Variants in BMPR1A observed in about 807,000 individuals in gnomAD.
The protein encoded by BMPR1A is bone morphogenetic protein receptor type-1A.
BMPR1A carries 7 observed loss-of-function variants against 66.0 expected under a neutral mutation model. The ratio of observed to expected loss-of-function variants is 0.11; its 90% CI spans 0.06 to 0.20. The LOEUF is 0.20. BMPR1A is among the 10% of genes least tolerant of loss of function. BMPR1A has a pLI of 1.00. For synonymous variants in BMPR1A, 200 were observed against 229.7 expected (o/e 0.87, Z 1.17); for missense variants, 408 against 669.1 (o/e 0.61, Z 4.31).
chr10:86,759,207 TG>T (rs1840985974), intron 1 of BMPR1A, among the ~76,000 whole-genome samples: 1 of 152,226 alleles, frequency 6.6e-6, no homozygotes, highest in Non-Finnish European at 1.5e-5. Flanking sequence ...AGGGGCCTTT[TG>T]TGACATTATA....
At chr10:86,914,154 A>G (rs1357757059) in intron 8 of BMPR1A, among the ~76,000 whole-genome samples, 2 of 152,130 alleles carry the variant, frequency 1.3e-5, no homozygotes, top group Non-Finnish European at 2.9e-5. Context: ...AAGTAATTCA[A>G]TTGGAAAAAG....
At chr10:86,901,740 A>G (rs1350662252) in intron 7 of BMPR1A, among the ~76,000 whole-genome samples, 1 of 152,182 alleles carries the variant, frequency 6.6e-6, no homozygotes. Context: ...AAATAACTGA[A>G]TCTTTGCCAG....
chr10:86,769,449 T>C (rs998885621), intron 1 of BMPR1A, among the ~76,000 whole-genome samples: 14 of 152,100 alleles, frequency 9.2e-5, no homozygotes, highest in African/African-American at 3.4e-4. Context: ...GTAAATAGAA[T>C]CAGACTTTTC....
intron 8 of BMPR1A, among the ~76,000 whole-genome samples, chr10:86,914,020 G>C (rs906302285): frequency 6.6e-6 from 1 of 151,938 alleles, no homozygotes; most frequent in Admixed American, 6.6e-5. Flanking sequence ...ACTCAATAAT[G>C]ATCTCAATTT....
At chr10:86,828,620 TG>T (rs1467740853) in intron 1 of BMPR1A, among the ~76,000 whole-genome samples, 1 of 152,208 alleles carries the variant, frequency 6.6e-6, no homozygotes, top group Admixed American at 6.5e-5. Context: ...GCAGATCTGG[TG>T]AACCCTTAGC....
intron 3 of BMPR1A, among the ~76,000 whole-genome samples, chr10:86,885,505 A>C (rs1021462815): frequency 6.6e-6 from 1 of 152,158 alleles, no homozygotes; most frequent in African/African-American, 2.4e-5. Flanking sequence ...TGGGTGAGAA[A>C]CTGATTTTTA....
chr10:86,874,632 C>G (rs1431512704), intron 2 of BMPR1A, among the ~76,000 whole-genome samples: 10 of 151,070 alleles, frequency 6.6e-5, no homozygotes, highest in African/African-American at 2.4e-4. Context: ...TGGTCTCGAT[C>G]TCCTGACCTC....
chr10:86,914,222 A>G (rs1224555146), intron 8 of BMPR1A, among the ~76,000 whole-genome samples: 1 of 152,194 alleles, frequency 6.6e-6, no homozygotes, highest in African/African-American at 2.4e-5. Context: ...CAAGAAGTTA[A>G]TCTCAGTCCT....
intron 1 of BMPR1A, among the ~76,000 whole-genome samples, chr10:86,779,525 T>C (rs1841403675): frequency 6.6e-6 from 1 of 152,230 alleles, no homozygotes; most frequent in Admixed American, 6.5e-5. Context: ...TTGGCCATTC[T>C]TTTTGATAAT....
In BMPR1A at chr10:86,919,309, T is replaced by C. The variant is rs876658840; in HGVS notation, c.1006T>C (p.Tyr336His). The C allele has an allele frequency of 6.2e-6, 10 of 1,613,906 alleles. No individual in the cohort carries two copies. The highest frequency in any genetic ancestry group is 8.5e-6 in the Non-Finnish European group (10 of 1,179,872). ...LDTRALLKLAYSAACGLCHLH... is the reference protein window; with the variant it reads ...LDTRALLKLAHSAACGLCHLH... ...CACCAGAGCCCTGCTTAAATTGGCT[T>C]ATTCAGCTGCCTGTGGTCTGTGCCA... The change falls in exon 10 of 13, where the codon TAT (tyrosine) becomes CAT (histidine). Residue 336 changes from tyrosine (Y) to histidine (H), a missense_variant. Tyr to His is a moderately conservative substitution (Grantham distance 83). Around this residue, in one of 5 missense-constraint regions of BMPR1A, gnomAD observed 130 missense variants for 257.3 expected, o/e 0.51. Transcript: ENST00000372037.
At chr10:86,886,506 CA>C (rs978846081) in intron 3 of BMPR1A, among the ~76,000 whole-genome samples, 17 of 152,026 alleles carry the variant, frequency 1.1e-4, no homozygotes, top group African/African-American at 3.6e-4. Flanking sequence ...GAGGTTGAGC[CA>C]AAAGACTTTG....
At position 86,865,213 on chromosome 10, in the gene BMPR1A, A is replaced by G. The variant is rs76313243; in HGVS notation, c.-152-10654A>G. Among the ~76,000 whole-genome samples, 6 of 142,198 alleles carry G rather than the reference A, an allele frequency of 4.2e-5. No individual in the cohort carries two copies. The East Asian group carries it at 7.7e-4, about 18-fold the overall frequency. The allele number at this position is 142,198 out of a possible 152,430, so 93.3% of individuals were successfully genotyped here. On this transcript the variant is annotated intron_variant, in intron 2 of 12. Coordinates refer to ENST00000372037, the MANE Select transcript of BMPR1A (RefSeq NM_004329.3). ...CAAAAGAAGTGTAAATGGCCGGTCCATGCCTTAACTGATGACATTCCACCA... is the reference window on the plus strand; with the variant it reads ...CAAAAGAAGTGTAAATGGCCGGTCCGTGCCTTAACTGATGACATTCCACCA...
chr10:86,919,880 T>C (rs543854280), intron 10 of BMPR1A, among the ~76,000 whole-genome samples: 37 of 152,128 alleles, frequency 2.4e-4, no homozygotes, highest in Non-Finnish European at 4.7e-4. Flanking sequence ...GCTAATGTTT[T>C]TATTTTTTGC....
At chr10:86,791,725 C>G (rs941797782) in intron 1 of BMPR1A, among the ~76,000 whole-genome samples, 1 of 107,150 alleles carries the variant, frequency 9.3e-6, no homozygotes, top group African/African-American at 3.6e-5. Context: ...TCCTTCCTTC[C>G]TTCCTTCCCT....
intron 1 of BMPR1A, among the ~76,000 whole-genome samples, chr10:86,771,538 A>G (rs1239386713): frequency 6.6e-6 from 1 of 152,218 alleles, no homozygotes; most frequent in Non-Finnish European, 1.5e-5. Flanking sequence ...AGGGTTGCAT[A>G]GTTCCTAAGT....
chr10:86,915,074 T>TC (rs2133562801), intron 8 of BMPR1A, among the ~76,000 whole-genome samples: 1 of 152,344 alleles, frequency 6.6e-6, no homozygotes, highest in African/African-American at 2.4e-5. Flanking sequence ...TGGGTGAATT[T>TC]CAAAAGTACT....
At chr10:86,812,340 G>A (rs1037866286) in intron 1 of BMPR1A, among the ~76,000 whole-genome samples, 1 of 152,168 alleles carries the variant, frequency 6.6e-6, no homozygotes, top group Non-Finnish European at 1.5e-5. Context: ...TGTTGCATGT[G>A]TGAAGAGTGT....
At chr10:86,912,515 G>A (rs1843506894) in intron 8 of BMPR1A, 131 bp downstream of exon 8, 1 of 1,149,444 alleles carries the variant, frequency 8.7e-7, no homozygotes, top group Non-Finnish European at 1.3e-6. Flanking sequence ...TTTAGAAAGA[G>A]GTATGCAGTA....
chr10:86,918,454 G>A (rs1417975778), intron 9 of BMPR1A, among the ~76,000 whole-genome samples: 1 of 152,114 alleles, frequency 6.6e-6, no homozygotes, highest in Non-Finnish European at 1.5e-5. Context: ...GGGCAAATGG[G>A]AGTTGGCTTA....
Sources: allele counts gnomAD v4.1 joint callset (sites outside exome capture counted in the v4.1 genomes callset), GRCh38; gene constraint gnomAD v4.1.1; regional missense constraint gnomAD v4.1.1; transcripts MANE v1.5; gene names NCBI Gene and HGNC (gene_info 2026-07-23, HGNC 2026-07-21).